Variants in EXOC4 observed in about 807,000 individuals in gnomAD.
EXOC4 encodes the protein exocyst complex component 4, also known as SEC8-like 1.
Under a neutral mutation model 107.2 loss-of-function variants are expected in EXOC4, and 71 were observed. The ratio of observed to expected loss-of-function variants is 0.66; its 90% CI spans 0.55 to 0.81. The LOEUF (loss-of-function observed/expected upper bound fraction) is 0.81, where lower values mean the gene tolerates loss of function less well. EXOC4 is among the 30% of genes least tolerant of loss of function. EXOC4 has a pLI of 0.00. For synonymous variants in EXOC4, 456 were observed against 441.2 expected (o/e 1.03, Z -0.42); for missense variants, 1,108 against 1,189.6 (o/e 0.93, Z 1.01).
downstream of EXOC4, among the ~76,000 whole-genome samples, chr7:134,067,991 G>A (rs374825999): frequency 6.6e-5 from 10 of 152,196 alleles, no homozygotes; most frequent in South Asian, 2.1e-3. Context: ...GGTTCCTCAG[G>A]TTGCTCTTGC....
At chr7:133,740,663 A>G (rs538777783) in intron 10 of EXOC4, among the ~76,000 whole-genome samples, 2 of 152,164 alleles carry the variant, frequency 1.3e-5, no homozygotes, top group South Asian at 4.1e-4. Context: ...TGTCCTTCTA[A>G]TTAACACTAT....
At chr7:133,988,620 C>T (rs1054414591) in intron 14 of EXOC4, among the ~76,000 whole-genome samples, 1 of 152,070 alleles carries the variant, frequency 6.6e-6, no homozygotes, top group Admixed American at 6.5e-5. Flanking sequence ...TCCAGAAGAG[C>T]CATTGACCCT....
At chr7:133,910,424 T>A (rs1056086587) in intron 12 of EXOC4, among the ~76,000 whole-genome samples, 7 of 152,230 alleles carry the variant, frequency 4.6e-5, no homozygotes, top group African/African-American at 1.7e-4. Context: ...TTGGATGGTT[T>A]CTGTTTTCCA....
At chr7:133,861,132 T>G (rs1447235739) in intron 11 of EXOC4, among the ~76,000 whole-genome samples, 1 of 152,190 alleles carries the variant, frequency 6.6e-6, no homozygotes, top group Non-Finnish European at 1.5e-5. Context: ...AAGAGAAGAT[T>G]CCTTCAATGC....
chr7:133,328,406 T>G (rs1795300072), intron 5 of EXOC4, among the ~76,000 whole-genome samples: 1 of 152,180 alleles, frequency 6.6e-6, no homozygotes, highest in Non-Finnish European at 1.5e-5. Flanking sequence ...GCCTTTTAAT[T>G]GGGGCATTTA....
chr7:133,260,703 A>T (rs1190472510), intron 1 of EXOC4, among the ~76,000 whole-genome samples: 1 of 152,212 alleles, frequency 6.6e-6, no homozygotes, highest in African/African-American at 2.4e-5. Context: ...TGGGATTAAT[A>T]TATGGAATTG....
intron 14 of EXOC4, 112 bp from the exon 15 acceptor site, chr7:133,997,380 A>G: frequency 3.5e-6 from 4 of 1,131,426 alleles, no homozygotes; most frequent in Middle Eastern, 2.0e-4. Context: ...TGCTGCCAAC[A>G]CTAGTGTTAA....
At chr7:133,265,456 C>G (rs533411537) in intron 1 of EXOC4, among the ~76,000 whole-genome samples, 3 of 151,512 alleles carry the variant, frequency 2.0e-5, no homozygotes, top group Admixed American at 6.6e-5. Flanking sequence ...GAAGGTAGCA[C>G]GGATTGGGTG....
chr7:133,353,766 A>G (rs144688164), intron 5 of EXOC4, among the ~76,000 whole-genome samples: 7 of 151,956 alleles, frequency 4.6e-5, no homozygotes, highest in African/African-American at 1.7e-4. Context: ...AGCTCCCACA[A>G]TGTCTAAATT....
chr7:133,295,929 A>G (rs1794509864), intron 3 of EXOC4, among the ~76,000 whole-genome samples: 1 of 152,146 alleles, frequency 6.6e-6, no homozygotes, highest in African/African-American at 2.4e-5. Flanking sequence ...TAGTGAGCTT[A>G]TTGGACTAAA....
intron 10 of EXOC4, among the ~76,000 whole-genome samples, chr7:133,729,399 G>A (rs939299264): frequency 2.6e-5 from 4 of 152,082 alleles, no homozygotes; most frequent in African/African-American, 9.7e-5. Context: ...TTTAATCAAT[G>A]GGTTTGGACT....
intron 12 of EXOC4, among the ~76,000 whole-genome samples, chr7:133,905,588 T>A (rs1799547835): frequency 1.3e-5 from 2 of 152,200 alleles, no homozygotes; most frequent in South Asian, 4.1e-4. Flanking sequence ...ATCGCAGTTT[T>A]CGGAAGTTTC....
chr7:133,922,810 C>G (rs796222342), intron 13 of EXOC4, among the ~76,000 whole-genome samples: 67 of 151,538 alleles, frequency 4.4e-4, no homozygotes, highest in African/African-American at 1.6e-3. Flanking sequence ...GATTGCACCA[C>G]TGCACTCAAG....
rs143017406 is a variant in EXOC4, at chr7:133,515,332, T to TACACACAC, written c.1417+35209_1417+35216dup. On this transcript the variant is annotated intron_variant, in intron 9 of 17. Transcript: ENST00000253861. ...CTCCAATCAGTAGCCCAAGTGTGCATACACACACACACACACACACACGTA... is the reference window on the plus strand; with the variant it reads ...CTCCAATCAGTAGCCCAAGTGTGCATACACACACACACACACACACACACACACACGTA... 3.0e-3 allele frequency among the ~76,000 whole-genome samples: 449 copies of TACACACAC among 150,098 alleles called. 3 individuals are homozygous for TACACACAC. Among genetic ancestry groups the TACACACAC allele is most frequent in the South Asian group, 7.8e-3 (37 of 4,746 alleles).
At chr7:134,085,593 C>T in the EXOC4 span, among the ~76,000 whole-genome samples, 1 of 152,184 alleles carries the variant, frequency 6.6e-6, no homozygotes, top group African/African-American at 2.4e-5. Flanking sequence ...AGAGCTCCCC[C>T]AAAAGCACAT....
At chr7:133,889,195 T>G (rs1421948848) in intron 11 of EXOC4, among the ~76,000 whole-genome samples, 1 of 152,182 alleles carries the variant, frequency 6.6e-6, no homozygotes, top group Non-Finnish European at 1.5e-5. Flanking sequence ...AGGCTCCAAC[T>G]GAATATGCAT....
At chr7:133,456,144 G>T (rs1479031638) in intron 7 of EXOC4, among the ~76,000 whole-genome samples, 1 of 152,152 alleles carries the variant, frequency 6.6e-6, no homozygotes, top group East Asian at 1.9e-4. Flanking sequence ...GGAGGTGAAA[G>T]CACCTCTATT....
At chr7:133,460,529 T>G (rs1798566315) in intron 7 of EXOC4, among the ~76,000 whole-genome samples, 1 of 152,244 alleles carries the variant, frequency 6.6e-6, no homozygotes, top group African/African-American at 2.4e-5. Flanking sequence ...AATTAACACA[T>G]AACATTCAGT....
At chr7:133,676,164 A>G (rs1484080204) in intron 10 of EXOC4, among the ~76,000 whole-genome samples, 1 of 151,998 alleles carries the variant, frequency 6.6e-6, no homozygotes, top group Non-Finnish European at 1.5e-5. Context: ...GTTATGTACC[A>G]GGCACTGTTC....
Sources: allele counts gnomAD v4.1 joint callset (sites outside exome capture counted in the v4.1 genomes callset), GRCh38; gene constraint gnomAD v4.1.1; transcripts MANE v1.5; gene names NCBI Gene and HGNC (gene_info 2026-07-23, HGNC 2026-07-21).